Variants in PTPRT observed in about 807,000 individuals in gnomAD.
PTPRT encodes the protein receptor-type tyrosine-protein phosphatase T.
PTPRT carries 56 observed loss-of-function variants against 176.8 expected under a neutral mutation model. The observed-to-expected ratio is 0.32, with a 90% CI of 0.26 to 0.40. The LOEUF is 0.40. Ranked by LOEUF, PTPRT falls within the 10% of genes least tolerant of loss-of-function variation. The pLI is 1.00. For synonymous variants in PTPRT, 783 were observed against 739.0 expected, an observed-to-expected ratio of 1.06 and a Z score of -0.96; for missense variants, 1,540 against 1,908.2, an observed-to-expected ratio of 0.81 and a Z score of 3.60.
intron 7 of PTPRT, among the ~76,000 whole-genome samples, chr20:42,544,874 G>A (rs1359226421): frequency 1.3e-5 from 2 of 152,044 alleles, no homozygotes; most frequent in Admixed American, 6.6e-5. Flanking sequence ...GGCTGGTCTC[G>A]AACTTCTGAG....
At chr20:42,127,240 G>T (rs900001350) in intron 19 of PTPRT, among the ~76,000 whole-genome samples, 1 of 152,186 alleles carries the variant, frequency 6.6e-6, no homozygotes, top group African/African-American at 2.4e-5. Context: ...GGGCTGACTG[G>T]CAGGAGACTG....
At chr20:42,042,295 C>T in the PTPRT span, among the ~76,000 whole-genome samples, 2 of 152,128 alleles carry the variant, frequency 1.3e-5, no homozygotes, top group African/African-American at 4.8e-5. Context: ...TAGAGATTTT[C>T]CTGGAGATTA....
intron 1 of PTPRT, among the ~76,000 whole-genome samples, chr20:42,939,653 G>C (rs1442087086): frequency 6.6e-6 from 1 of 152,030 alleles, no homozygotes; most frequent in African/African-American, 2.4e-5. Flanking sequence ...TCTCAGCTAA[G>C]AGCTGGGGCC....
intron 1 of PTPRT, among the ~76,000 whole-genome samples, chr20:43,000,902 A>G (rs1984522975): frequency 6.6e-6 from 1 of 152,222 alleles, no homozygotes; most frequent in African/African-American, 2.4e-5. Flanking sequence ...AATATGGAGA[A>G]ACATCCTAGT....
Position 42,265,456 on chromosome 20 carries a change from T to C in PTPRT, c.2177-16634A>G, listed in dbSNP as rs189995950. Among the ~76,000 whole-genome samples the C allele has an allele frequency of 3.7e-4, 57 of 152,346 alleles. No individual in the cohort carries two copies. In the East Asian group the frequency reaches 0.01, roughly 27 times the overall value. On this transcript the variant is annotated intron_variant, in intron 13 of 30. Transcript: ENST00000373187. The stretch of plus-strand genomic sequence containing the variant: ...ATGATGTGAAACTCAGCACATTCCA[T>C]AGCATGTAGGAAGTATGTAACATAC...
At chr20:42,469,534 G>A (rs1271263402) in intron 8 of PTPRT, among the ~76,000 whole-genome samples, 1 of 152,142 alleles carries the variant, frequency 6.6e-6, no homozygotes, top group Non-Finnish European at 1.5e-5. Flanking sequence ...AGGAAACAAA[G>A]GCACTAAGAG....
chr20:42,342,614 G>A (rs1002130863), intron 11 of PTPRT, among the ~76,000 whole-genome samples: 2 of 152,208 alleles, frequency 1.3e-5, no homozygotes, highest in African/African-American at 4.8e-5. Flanking sequence ...GCTGCCCTGT[G>A]TCAATAAATC....
chr20:42,340,088 C>T (rs1206277379), intron 11 of PTPRT, among the ~76,000 whole-genome samples: 1 of 152,174 alleles, frequency 6.6e-6, no homozygotes, highest in African/African-American at 2.4e-5. Context: ...GATGGAAATG[C>T]CGTCCAGTAT....
intron 1 of PTPRT, among the ~76,000 whole-genome samples, chr20:42,943,528 AC>A (rs1334478188): frequency 1.3e-5 from 2 of 151,576 alleles, no homozygotes; most frequent in African/African-American, 2.4e-5. Context: ...CTCCTAGGAC[AC>A]CCCTACCCCC....
chr20:43,121,758 G>A (rs533991205), intron 1 of PTPRT, among the ~76,000 whole-genome samples: 1 of 152,234 alleles, frequency 6.6e-6, no homozygotes, highest in Non-Finnish European at 1.5e-5. Flanking sequence ...TTTTAAATTT[G>A]TCTTTGGATT....
chr20:42,495,231 C>T (rs2071632950), intron 7 of PTPRT, among the ~76,000 whole-genome samples: 1 of 152,198 alleles, frequency 6.6e-6, no homozygotes, highest in Non-Finnish European at 1.5e-5. Context: ...AAGTGCTACA[C>T]TCTTAATGCC....
rs73909228 is a variant in PTPRT at position 42,170,408 on chromosome 20, A to G, written c.2492-8866T>C. On this transcript the variant is annotated intron_variant, in intron 16 of 30. Coordinates refer to ENST00000373187, the MANE Select transcript of PTPRT (RefSeq NM_007050.6). ...ACGAAATGCGAGAAAAGATAGAAGA[A>G]TAAAGGAAATTAAAGGTGAAATAAT... 7.7e-3 allele frequency among the ~76,000 whole-genome samples: 1,179 copies of G among 152,356 alleles called. 15 individuals carry two copies. The highest frequency in any genetic ancestry group is 0.026 in the African/African-American group (1,101 of 41,576).
chr20:42,373,635 C>T (rs1050233634), intron 9 of PTPRT, among the ~76,000 whole-genome samples: 2 of 152,206 alleles, frequency 1.3e-5, no homozygotes, highest in African/African-American at 4.8e-5. Context: ...AGATTATGGA[C>T]ATACATATAG....
intron 7 of PTPRT, among the ~76,000 whole-genome samples, chr20:42,663,230 G>C (rs964689821): frequency 6.6e-6 from 1 of 152,132 alleles, no homozygotes; most frequent in African/African-American, 2.4e-5. Flanking sequence ...AGAGTCTAGA[G>C]AAAGTTGAAC....
intron 1 of PTPRT, among the ~76,000 whole-genome samples, chr20:43,133,397 G>A (rs1021657435): frequency 2.6e-5 from 4 of 152,262 alleles, no homozygotes; most frequent in South Asian, 2.1e-4. Context: ...ATAGAAACTC[G>A]TTATTTTGCA....
intron 13 of PTPRT, among the ~76,000 whole-genome samples, chr20:42,268,647 T>A (rs1280791170): frequency 6.6e-6 from 1 of 152,248 alleles, no homozygotes; most frequent in African/African-American, 2.4e-5. Context: ...ATTTTTAATA[T>A]GACTGCATGA....
At chr20:42,682,558 G>A (rs1404933249) in intron 6 of PTPRT, among the ~76,000 whole-genome samples, 1 of 152,232 alleles carries the variant, frequency 6.6e-6, no homozygotes, top group East Asian at 1.9e-4. Context: ...CCAGGAGTAA[G>A]TGTTTAACAT....
intron 9 of PTPRT, among the ~76,000 whole-genome samples, chr20:42,412,178 G>T (rs2059025573): frequency 6.6e-6 from 1 of 152,198 alleles, no homozygotes; most frequent in East Asian, 1.9e-4. Flanking sequence ...ATAAATGATT[G>T]TATCCAGAAT....
chr20:42,081,745 T>G (rs1172229109), intron 30 of PTPRT, 137 bp downstream of exon 30: 1 of 1,158,424 alleles, frequency 8.6e-7, no homozygotes, highest in Non-Finnish European at 1.3e-6. Context: ...CAGACAACAG[T>G]GCATACCAAG....
Sources: allele counts gnomAD v4.1 joint callset (sites outside exome capture counted in the v4.1 genomes callset), GRCh38; gene constraint gnomAD v4.1.1; transcripts MANE v1.5; gene names NCBI Gene and HGNC (gene_info 2026-07-23, HGNC 2026-07-21).